DDHD1: variants seen among roughly 807,000 people sequenced by gnomAD.
The protein encoded by DDHD1 is phospholipase DDHD1.
A neutral mutation model predicts 96.4 loss-of-function variants in DDHD1; 49 were observed. The observed-to-expected ratio is 0.51, with a 90% CI of 0.40 to 0.64. The LOEUF (loss-of-function observed/expected upper bound fraction) is 0.64, where lower values mean the gene tolerates loss of function less well. Among genes scored for constraint, DDHD1 ranks in the 30% least tolerant of loss-of-function variants. DDHD1 has a pLI of 0.00. For missense variants in DDHD1, 1,106 were observed against 1,161.2 expected (o/e 0.95, Z 0.69); for synonymous variants, 442 against 446.5 (o/e 0.99, Z 0.13).
At position 53,111,974 on chromosome 14, in the gene DDHD1, T is replaced by C. The variant is rs533135544; in HGVS notation, c.839-8118A>G. Among the ~76,000 whole-genome samples, 3 of 152,330 alleles carry C rather than the reference T, an allele frequency of 2.0e-5. No individual in the cohort carries two copies. In the South Asian group the frequency reaches 6.2e-4, roughly 32 times the overall value. On this transcript the variant is annotated intron_variant, in intron 1 of 12. Transcript: ENST00000673822. ...TTACATTTTCAAGGCATTACCTTAA[T>C]TTATTATGAAAGGGAGCTTTGTCGT...
intron 1 of DDHD1, among the ~76,000 whole-genome samples, chr14:53,114,037 A>G (rs1298347251): frequency 2.0e-5 from 3 of 152,110 alleles, no homozygotes; most frequent in Admixed American, 6.5e-5. Context: ...TGGTGAGGGG[A>G]GGGGCGTCCA....
chr14:53,054,254 C>A lies in DDHD1; in HGVS notation c.2437+184G>T, dbSNP rs138494027. On this transcript the variant is annotated intron_variant, in intron 11 of 12. Transcript: ENST00000673822. ...TAATTCATCAATGCAGAAAGTAAAA[C>A]TGCATTTTCCTGGAAATTATTCTTA... 1.1e-3 allele frequency: 569 copies of A among 541,704 alleles called. 1 individual carries two copies. The highest frequency in any genetic ancestry group is 1.0e-2 in the African/African-American group (531 of 53,320). 33.6% of individuals were successfully genotyped at this position (541,704 alleles called of 1,614,324 possible). A position where few individuals can be genotyped will look rare whatever the true frequency, so the allele number is the denominator to read the frequency against.
chr14:53,055,385 T>C (rs1415046822), intron 10 of DDHD1, among the ~76,000 whole-genome samples: 2 of 152,224 alleles, frequency 1.3e-5, no homozygotes, highest in African/African-American at 4.8e-5. Flanking sequence ...TCACAGCAAG[T>C]GGTAGGACCA....
chr14:53,108,261 T>C (rs1166303297), intron 1 of DDHD1, among the ~76,000 whole-genome samples: 1 of 152,206 alleles, frequency 6.6e-6, no homozygotes, highest in Admixed American at 6.5e-5. Context: ...GGCTTGCCAT[T>C]GTTCCTGCAC....
intron 6 of DDHD1, among the ~76,000 whole-genome samples, chr14:53,064,833 T>C (rs1883885951): frequency 6.6e-6 from 1 of 152,148 alleles, no homozygotes; most frequent in Non-Finnish European, 1.5e-5. Flanking sequence ...AGCTTTGTAC[T>C]ACCTCTAAAT....
rs1883014331 is a variant in DDHD1, at chr14:53,055,924, A to G, written c.1993-12T>C. ...TCTAATCTATAAGCCTTGATTTAAA[A>G]AAAAAAATTCAAAGAAACACAGTGT... On this transcript the variant is annotated splice_polypyrimidine_tract_variant and intron_variant, in intron 9 of 12. Coordinates refer to ENST00000673822, the MANE Select transcript of DDHD1 (RefSeq NM_001160148.2). 6.3e-7 allele frequency: 1 copy of G among 1,594,580 alleles called. No individual in the cohort carries two copies. Among genetic ancestry groups the G allele is most frequent in the Non-Finnish European group, 8.5e-7 (1 of 1,170,150 alleles).
At chr14:53,074,446 G>C (rs1390776133) in intron 4 of DDHD1, among the ~76,000 whole-genome samples, 1 of 151,556 alleles carries the variant, frequency 6.6e-6, no homozygotes, top group African/African-American at 2.4e-5. Flanking sequence ...CCTAGATATT[G>C]CATTATTTTG....
At position 53,055,729 on chromosome 14, in the gene DDHD1, T is replaced by G. The variant is rs1595091398; in HGVS notation, c.2176A>C (p.Thr726Pro). Reference protein sequence around the residue: ...EGISTIPSPVTSPVLSRRHYG... With the variant: ...EGISTIPSPVPSPVLSRRHYG... ...TGTCGGCGGGACAAAACTGGTGAGG[T>G]CACAGGGCTTGGTATGGTTGAAATG... is the stretch of plus-strand genomic sequence containing the variant. Residue 726 changes from threonine (T) to proline (P), a missense_variant, in exon 10 of 13, where the codon ACC becomes CCC. Transcript: ENST00000673822. 1 of 1,614,056 alleles carries G rather than the reference T, an allele frequency of 6.2e-7. No homozygotes were observed. Among genetic ancestry groups the G allele is most frequent in the Non-Finnish European group, 8.5e-7 (1 of 1,179,958 alleles).
At chr14:53,079,524 A>G (rs1009259891) in intron 4 of DDHD1, among the ~76,000 whole-genome samples, 6 of 152,162 alleles carry the variant, frequency 3.9e-5, no homozygotes, top group African/African-American at 1.4e-4. Flanking sequence ...TGTCCATTTA[A>G]TCTAGGTTAT....
In DDHD1 at chr14:53,046,748, T is replaced by G; in HGVS notation, c.*20A>C. 3 of 1,439,352 alleles carry G rather than the reference T, an allele frequency of 2.1e-6. No individual in the cohort carries two copies. The highest frequency in any genetic ancestry group is 2.6e-5 in the South Asian group (2 of 76,318). The allele number at this position is 1,439,352 out of a possible 1,614,324, so 89.2% of individuals were successfully genotyped here. On this transcript the variant is annotated 3_prime_UTR_variant, in exon 13 of 13. Coordinates refer to ENST00000673822, the MANE Select transcript of DDHD1 (RefSeq NM_001160148.2). ...AAAAAAAAAAATCAGTTTTAGGCCA[T>G]TCATGTCCTTCAAGAGAGTTCAGAT...
At position 53,093,319 on chromosome 14, in the gene DDHD1, T is replaced by G; in HGVS notation, c.1138A>C (p.Lys380Gln). The change falls in exon 3 of 13, where the codon AAA becomes CAA. Residue 380 changes from lysine (K) to glutamine (Q), a missense_variant. Transcript: ENST00000673822. ...RTVTQKLGFS[K>Q]ASSSGTRLHR... ...TCTAGTAATATTTAACAATTACCTT[T>G]AGAAAATCCCAGTTTTTGGGTAACT... 6.2e-7 allele frequency: 1 copy of G among 1,607,578 alleles called. No individual in the cohort carries two copies. The highest frequency in any genetic ancestry group is 8.5e-7 in the Non-Finnish European group (1 of 1,178,510).
intron 1 of DDHD1, among the ~76,000 whole-genome samples, chr14:53,132,818 TCA>T (rs376715811): frequency 1.3e-4 from 20 of 152,310 alleles, no homozygotes; most frequent in African/African-American, 4.6e-4. Flanking sequence ...ATCCCAGTGC[TCA>T]GGGCAACGCT....
In DDHD1 at chr14:53,153,234, G is replaced by A. The variant is rs1177655602; in HGVS notation, c.-136C>T. The stretch of plus-strand genomic sequence containing the variant: ...AATCCCGACCCGAGCTGCGGCGGCA[G>A]CGGCGACCGCTCCGCCCCCACGAGA... On this transcript the variant is annotated 5_prime_UTR_variant, in exon 1 of 13. Coordinates refer to ENST00000673822, the MANE Select transcript of DDHD1 (RefSeq NM_001160148.2). 1.3e-6 allele frequency: 1 copy of A among 763,664 alleles called. No individual in the cohort carries two copies. Among genetic ancestry groups the A allele is most frequent in the African/African-American group, 1.9e-5 (1 of 53,920 alleles). 47.3% of individuals were successfully genotyped at this position (763,664 alleles called of 1,614,324 possible).
At chr14:53,111,618 A>G (rs115494141) in intron 1 of DDHD1, among the ~76,000 whole-genome samples, 2,957 of 151,914 alleles carry the variant, frequency 0.019, 104 homozygotes, top group African/African-American at 0.069. Flanking sequence ...TTTGGTAATT[A>G]TCTTTAAAGT....
rs541402305 is a variant in DDHD1 at position 53,066,583 on chromosome 14, T to C, written c.1504-3378A>G. ...TAATCATTCCTTCCCTAAGGAAACA[T>C]ATACTTTTAAATAATTTATCCTAGA... On this transcript the variant is annotated intron_variant, in intron 6 of 12. Coordinates refer to ENST00000673822, the MANE Select transcript of DDHD1 (RefSeq NM_001160148.2). Among the ~76,000 whole-genome samples, 154 of 152,320 alleles carry C rather than the reference T, an allele frequency of 1.0e-3. 1 individual carries two copies. The highest frequency in any genetic ancestry group is 3.6e-3 in the African/African-American group (148 of 41,564).
At chr14:53,152,126 TC>T in intron 1 of DDHD1, 134 bp downstream of exon 1, 1 of 939,442 alleles carries the variant, frequency 1.1e-6, no homozygotes, top group Non-Finnish European at 1.5e-6. Context: ...CCCTGCTCAA[TC>T]TCCATCCTGC....
intron 12 of DDHD1, among the ~76,000 whole-genome samples, chr14:53,047,567 GTGTT>G (rs1372985713): frequency 4.6e-5 from 7 of 152,172 alleles, no homozygotes; most frequent in African/African-American, 1.2e-4. Flanking sequence ...CGCTCATTAA[GTGTT>G]TGTTCAACAA....
rs748237646 is a variant in DDHD1 at position 53,042,898 on chromosome 14, A to G, written c.*3870T>C. Reference sequence around the variant, plus strand: ...GTTTTTAGAAGAGCAATTTTAATACATACACTCAAATTAGTTTTCTCGATT... The same window carrying G: ...GTTTTTAGAAGAGCAATTTTAATACGTACACTCAAATTAGTTTTCTCGATT... On this transcript the variant is annotated 3_prime_UTR_variant, in exon 13 of 13. Coordinates refer to ENST00000673822, the MANE Select transcript of DDHD1 (RefSeq NM_001160148.2). The G allele has an allele frequency of 1.3e-5, 2 of 152,200 alleles. No individual in the cohort carries two copies. The highest frequency in any genetic ancestry group is 4.8e-5 in the African/African-American group (2 of 41,438). The allele number at this position is 152,200 out of a possible 1,614,324, so 9.4% of individuals were successfully genotyped here.
chr14:53,072,704 C>A lies in DDHD1; in HGVS notation c.1397-1G>T, dbSNP rs1779220917. 6.3e-7 allele frequency: 1 copy of A among 1,592,624 alleles called. No individual in the cohort carries two copies. Among genetic ancestry groups the A allele is most frequent in the African/African-American group, 1.4e-5 (1 of 74,048 alleles). ...TCAGGAGTAATGGAATCAACAGTGT[C>A]TACAAAAACAAACAAAAAAAGCAAG... On this transcript the variant is annotated splice_acceptor_variant, in intron 5 of 12. Coordinates refer to ENST00000673822, the MANE Select transcript of DDHD1 (RefSeq NM_001160148.2). LOFTEE classifies it high-confidence loss of function.
Sources: allele counts gnomAD v4.1 joint callset (sites outside exome capture counted in the v4.1 genomes callset), GRCh38; gene constraint gnomAD v4.1.1; transcripts MANE v1.5; gene names NCBI Gene and HGNC (gene_info 2026-07-23, HGNC 2026-07-21).